Variants in PPP6R1 observed in about 807,000 individuals in gnomAD.
PPP6R1 encodes serine/threonine-protein phosphatase 6 regulatory subunit 1.
In PPP6R1, 39 loss-of-function variants were observed where a neutral mutation model predicts 104.6. The observed-to-expected ratio is 0.37, with a 90% CI of 0.29 to 0.49. The LOEUF is 0.49. Among genes scored for constraint, PPP6R1 ranks in the 20% least tolerant of loss-of-function variants. PPP6R1 has a pLI of 0.98. For synonymous variants in PPP6R1, 549 were observed against 479.0 expected (o/e 1.15, Z -1.91); for missense variants, 1,181 against 1,155.8 (o/e 1.02, Z -0.32).
rs772729427 is a variant in PPP6R1, at chr19:55,246,984, G to A, written c.120C>T (p.Val40=). 1.2e-6 allele frequency: 2 copies of A among 1,613,906 alleles called. No homozygotes were observed. Among genetic ancestry groups the A allele is most frequent in the Non-Finnish European group, 8.5e-7 (1 of 1,179,886 alleles). The part of the protein sequence containing the change: ...EEDVLQECKV[V]NRKLLDFLLQ... Reference sequence around the variant, plus strand: ...GCAGGAAGTCCAGCAGCTTGCGGTTGACGACCTTGCACTCCTGCAGCACGT... The same window carrying A: ...GCAGGAAGTCCAGCAGCTTGCGGTTAACGACCTTGCACTCCTGCAGCACGT... The change falls in exon 2 of 24, where the codon GTC becomes GTT. Residue 40 remains valine (V), a synonymous_variant. Coordinates refer to ENST00000412770, the MANE Select transcript of PPP6R1 (RefSeq NM_014931.4).
rs976924445 is a variant in PPP6R1 at position 55,232,143 on chromosome 19, C to T, written c.2057G>A (p.Gly686Asp). 6.3e-7 allele frequency: 1 copy of T among 1,587,196 alleles called. No homozygotes were observed. Among genetic ancestry groups the T allele is most frequent in the Non-Finnish European group, 8.6e-7 (1 of 1,166,674 alleles). The part of the protein sequence containing the change: ...EDEEEEEDEE[G>D]IGCAARGGAT... Reference sequence around the variant, plus strand: ...CCCTCCACGGGCTGCACAGCCAATGCCCTCCTCGTCTTCCTCCTCCTCCTC... The same window carrying T: ...CCCTCCACGGGCTGCACAGCCAATGTCCTCCTCGTCTTCCTCCTCCTCCTC... The change falls in exon 18 of 24, where the codon GGC becomes GAC. Residue 686 changes from glycine to aspartate, a missense_variant. Gly to Asp is a moderately conservative substitution (Grantham distance 94). This residue lies in a region of PPP6R1 where 1,042 missense variants were observed against 955.6 expected (regional missense o/e 1.09). Transcript: ENST00000412770.
chr19:55,242,764 C>A lies in PPP6R1; in HGVS notation c.619-276G>T, dbSNP rs983768054. 1.3e-5 allele frequency: 6 copies of A among 469,920 alleles called. No homozygotes were observed. In the East Asian group the frequency reaches 2.5e-4, roughly 20 times the overall value. The allele number at this position is 469,920 out of a possible 1,614,324, so 29.1% of individuals were successfully genotyped here. A position where few individuals can be genotyped will look rare whatever the true frequency, so the allele number is the denominator to read the frequency against. On this transcript the variant is annotated intron_variant, in intron 5 of 23. Transcript: ENST00000412770. ...GCTGGCAGCACCGCCCACAATGACCCAGAAGGCTCTGACTGATGAGTGAAT... is the reference window on the plus strand; with the variant it reads ...GCTGGCAGCACCGCCCACAATGACCAAGAAGGCTCTGACTGATGAGTGAAT...
chr19:55,258,737 G>A lies in PPP6R1; in HGVS notation c.-309C>T, dbSNP rs964373513. On this transcript the variant is annotated 5_prime_UTR_variant, in exon 1 of 24. Coordinates refer to ENST00000412770, the MANE Select transcript of PPP6R1 (RefSeq NM_014931.4). ...GTCCGCAGGCGAGGTGGGCGTGCGG[G>A]CCGAGGCGGGTTGGCGAGCCGGGTC... is the stretch of plus-strand genomic sequence containing the variant. 6.6e-6 allele frequency: 1 copy of A among 151,956 alleles called. No individual in the cohort carries two copies. The highest frequency in any genetic ancestry group is 1.5e-5 in the Non-Finnish European group (1 of 67,974). 9.4% of individuals were successfully genotyped at this position (151,956 alleles called of 1,614,324 possible). A position where few individuals can be genotyped will look rare whatever the true frequency, so the allele number is the denominator to read the frequency against.
intron 5 of PPP6R1, chr19:55,242,696 G>A: frequency 1.8e-6 from 1 of 559,928 alleles, no homozygotes; most frequent in Non-Finnish European, 3.2e-6. Flanking sequence ...AGGCTCCCCA[G>A]GACAGGAGGC....
rs776206494 is a variant in PPP6R1, at chr19:55,245,129, C to T, written c.609G>A (p.Lys203=). The T allele has an allele frequency of 1.9e-6, 3 of 1,613,418 alleles. No homozygotes were observed. Among genetic ancestry groups the T allele is most frequent in the Non-Finnish European group, 2.5e-6 (3 of 1,179,742 alleles). The change falls in exon 5 of 24, where the codon AAG becomes AAA. Residue 203 remains lysine, a synonymous_variant. Coordinates refer to ENST00000412770, the MANE Select transcript of PPP6R1 (RefSeq NM_014931.4). This position sits in a 1 kb window ranked among gnomAD's most constrained non-coding sequence, Gnocchi z 6.4. ...CATCGGCAGCACTCACATTCTCATC[C>T]TTCGACGGGTGGATCTGCTCAATCA... The part of the protein sequence containing the change: ...QRLIEQIHPS[K]DENQHSNASQ...
At chr19:55,258,193 G>A (rs1431196684) in intron 1 of PPP6R1, among the ~76,000 whole-genome samples, 2 of 152,210 alleles carry the variant, frequency 1.3e-5, no homozygotes, top group African/African-American at 4.8e-5. Flanking sequence ...AAAAGGCCGA[G>A]AGCAAGAGAC....
At chr19:55,235,725 A>G (rs760960271) in intron 17 of PPP6R1, among the ~76,000 whole-genome samples, 59 of 151,462 alleles carry the variant, frequency 3.9e-4, no homozygotes, top group Non-Finnish European at 7.2e-4. Context: ...TCACCATGTT[A>G]GCCAGGATGG....
chr19:55,240,547 A>G (rs1422965791), intron 10 of PPP6R1, among the ~76,000 whole-genome samples: 1 of 149,598 alleles, frequency 6.7e-6, no homozygotes, highest in Non-Finnish European at 1.5e-5. Flanking sequence ...ACACACACAC[A>G]CACACACACA....
At chr19:55,250,383 T>C (rs573102602) in intron 1 of PPP6R1, among the ~76,000 whole-genome samples, 1 of 152,302 alleles carries the variant, frequency 6.6e-6, no homozygotes, top group Non-Finnish European at 1.5e-5. Context: ...TGCAGAGCCC[T>C]TGTCCCAGCA....
At chr19:55,238,138 C>T (rs1468295406) in intron 15 of PPP6R1, among the ~76,000 whole-genome samples, 2 of 151,978 alleles carry the variant, frequency 1.3e-5, no homozygotes, top group African/African-American at 2.4e-5. Context: ...TGAACTCAAG[C>T]GATCCTCCTG....
rs190899958 is a variant in PPP6R1 at position 55,231,895 on chromosome 19, C to T, written c.2213G>A (p.Gly738Glu). Residue 738 changes from glycine (G) to glutamate (E), a missense_variant, in exon 19 of 24, where the codon GGG (glycine) becomes GAG (glutamate). By Grantham distance (98) the Gly-to-Glu change is moderately conservative. This residue lies in a region of PPP6R1 where 1,042 missense variants were observed against 955.6 expected (regional missense o/e 1.09). Coordinates refer to ENST00000412770, the MANE Select transcript of PPP6R1 (RefSeq NM_014931.4). ...GAGGGGCCCCTGTGGGGCTGGAGGC[C>T]CAGTGTGCAGCTCTTCCTCCCCGGA... ...RVSGEEELHTGPPAPQGPLSV... is the reference protein window; with the variant it reads ...RVSGEEELHTEPPAPQGPLSV... 4.7e-4 allele frequency: 711 copies of T among 1,519,214 alleles called. 5 individuals are homozygous for T. In the East Asian group the frequency reaches 0.014, roughly 31 times the overall value. 94.1% of individuals were successfully genotyped at this position (1,519,214 alleles called of 1,614,324 possible).
intron 1 of PPP6R1, among the ~76,000 whole-genome samples, chr19:55,250,677 A>C (rs1053585755): frequency 1.2e-4 from 18 of 152,108 alleles, no homozygotes; most frequent in Admixed American, 5.2e-4. Flanking sequence ...GTGACAGCAC[A>C]GTTCGGCCAG....
chr19:55,231,725 G>A, intron 19 of PPP6R1, 57 bp from the exon 20 acceptor site: 1 of 1,519,522 alleles, frequency 6.6e-7, no homozygotes, highest in Non-Finnish European at 8.8e-7. Flanking sequence ...TCGAGCCTAT[G>A]AGAGGACGGG....
chr19:55,247,462 T>A, intron 1 of PPP6R1: 1 of 278,432 alleles, frequency 3.6e-6, no homozygotes, highest in South Asian at 4.5e-5. Flanking sequence ...GTGCAGGGCC[T>A]GCGAGAAGAG....
chr19:55,231,485 C>A lies in PPP6R1; in HGVS notation c.2384G>T (p.Cys795Phe), dbSNP rs1352120895. ...GTCCCCGATGCTAACCAAGGCCTGG[C>A]AAGGGGCTGTGGGGGATAAGAGATC... ...GSKVTEPSAP[C>F]QALVSIGDLQ... The change falls in exon 21 of 24, where the codon TGC becomes TTC. Residue 795 changes from cysteine (C) to phenylalanine (F), a missense_variant. Physicochemically the swap from Cys to Phe is radical, Grantham distance 205. Coordinates refer to ENST00000412770, the MANE Select transcript of PPP6R1 (RefSeq NM_014931.4). 3.1e-6 allele frequency: 5 copies of A among 1,607,518 alleles called. No homozygotes were observed. In the East Asian group the frequency reaches 1.1e-4, roughly 36 times the overall value.
In PPP6R1 at chr19:55,250,100, G is replaced by A. The variant is rs532549174; in HGVS notation, c.-6-2991C>T. The stretch of plus-strand genomic sequence containing the variant: ...GGCACAGTGCTGGATGGATATCCAG[G>A]AGGCCCTGCGGGTCTGGGTGGATGG... On this transcript the variant is annotated intron_variant, in intron 1 of 23. Transcript: ENST00000412770. Among the ~76,000 whole-genome samples the A allele has an allele frequency of 2.0e-5, 3 of 152,314 alleles. No individual in the cohort carries two copies. In the South Asian group the frequency reaches 6.2e-4, roughly 32 times the overall value.
At chr19:55,233,011 T>C (rs1042778982) in intron 17 of PPP6R1, 2 of 152,196 alleles carry the variant, frequency 1.3e-5, no homozygotes, top group African/African-American at 4.8e-5. Flanking sequence ...CTATACAGCA[T>C]GTTACAGTAC....
chr19:55,251,111 C>G lies in PPP6R1; in HGVS notation c.-6-4002G>C, dbSNP rs188365887. 1.5e-3 allele frequency among the ~76,000 whole-genome samples: 234 copies of G among 152,340 alleles called. 2 individuals carry two copies. The highest frequency in any genetic ancestry group is 4.4e-3 in the African/African-American group (184 of 41,580). On this transcript the variant is annotated intron_variant, in intron 1 of 23. Coordinates refer to ENST00000412770, the MANE Select transcript of PPP6R1 (RefSeq NM_014931.4). ...GAAGGGCCTTCCCTGGCCTGCCTGG[C>G]TCAAGCAGCCCCCAGCCCCGCCTTT...
chr19:55,228,279 G>A (rs768643393), downstream of PPP6R1: 27 of 1,613,122 alleles, frequency 1.7e-5, no homozygotes, highest in Admixed American at 1.2e-4. Flanking sequence ...TGTAGCCCCC[G>A]CTTGGGGACA....
Sources: gnomAD v4.1 joint callset for allele counts (sites outside exome capture counted in the v4.1 genomes callset) on GRCh38, gnomAD v4.1.1 for gene constraint, gnomAD v4.1.1 regional missense constraint, Gnocchi (gnomAD v3.1) non-coding constraint, MANE v1.5 for transcripts, NCBI Gene and HGNC (gene_info 2026-07-23, HGNC 2026-07-21) for gene names.